Variants in CMTM4 observed in about 807,000 individuals in gnomAD.
CMTM4 encodes CKLF like MARVEL transmembrane domain containing 4.
In CMTM4, 8 loss-of-function variants were observed where a neutral mutation model predicts 19.0. The observed-to-expected ratio is 0.42, with a 90% CI of 0.25 to 0.76. The LOEUF (loss-of-function observed/expected upper bound fraction) is 0.76, where lower values mean the gene tolerates loss of function less well. Ranked by LOEUF, CMTM4 falls within the 30% of genes least tolerant of loss-of-function variation. The pLI is 0.27. For synonymous variants in CMTM4, 106 were observed against 121.1 expected (o/e 0.88, Z 0.82); for missense variants, 228 against 290.2 (o/e 0.79, Z 1.56).
downstream of CMTM4, chr16:66,612,622 C>A: frequency 6.2e-7 from 1 of 1,614,118 alleles, no homozygotes; most frequent in South Asian, 1.1e-5. The surrounding 1 kb of genome is among the most constrained non-coding windows in gnomAD (Gnocchi z 6.0). Context: ...AGAATTCCGA[C>A]TCGGACTCTG....
At chr16:66,627,077 T>G (rs1032106582) in intron 2 of CMTM4, among the ~76,000 whole-genome samples, 4 of 152,170 alleles carry the variant, frequency 2.6e-5, no homozygotes, top group African/African-American at 9.7e-5. Context: ...CACTGCAGCC[T>G]GGGGGACAGC....
At chr16:66,607,219 T>TG in the CMTM4 span, among the ~76,000 whole-genome samples, 1 of 152,218 alleles carries the variant, frequency 6.6e-6, no homozygotes, top group Non-Finnish European at 1.5e-5. Flanking sequence ...GCAGCGTACC[T>TG]GGGCTGCAGG....
intron 1 of CMTM4, among the ~76,000 whole-genome samples, chr16:66,663,275 C>A (rs1423396270): frequency 6.6e-6 from 1 of 152,140 alleles, no homozygotes; most frequent in African/African-American, 2.4e-5. Context: ...TGGAAAAAGA[C>A]AATCAACAGA....
intron 1 of CMTM4, among the ~76,000 whole-genome samples, chr16:66,650,144 G>A (rs1453582989): frequency 3.3e-5 from 5 of 152,156 alleles, no homozygotes; most frequent in Non-Finnish European, 5.9e-5. Context: ...GGTGGTCTTA[G>A]AGGAAAAACG....
At chr16:66,630,592 G>A (rs866717341) in intron 2 of CMTM4, among the ~76,000 whole-genome samples, 1 of 151,528 alleles carries the variant, frequency 6.6e-6, no homozygotes, top group African/African-American at 2.4e-5. Context: ...CGCCAGCCTC[G>A]GCCTCCCGAG....
chr16:66,607,215 T>C, the CMTM4 span, among the ~76,000 whole-genome samples: 18,552 of 152,232 alleles, frequency 0.12, 1,480 homozygotes, highest in East Asian at 0.29. Context: ...CTCTGCAGCG[T>C]ACCTGGGCTG....
chr16:66,625,246 C>A (rs577670911), intron 2 of CMTM4, among the ~76,000 whole-genome samples: 2 of 151,924 alleles, frequency 1.3e-5, no homozygotes, highest in East Asian at 1.9e-4. Flanking sequence ...ACCAGCCTGA[C>A]CAACATGGAA....
rs778488127 is a variant in CMTM4 at position 66,622,146 on chromosome 16, C to T, written c.539G>A (p.Arg180His). The T allele has an allele frequency of 3.7e-6, 6 of 1,613,074 alleles. No individual in the cohort carries two copies. In the Admixed American group the frequency reaches 5.0e-5, roughly 13 times the overall value. ...LAVQKWRVSV[R>H]QQSTNDYIRA... ...GATGTAGTCATTGGTGCTCTGCTGG[C>T]GGACGCTGACTCTCCATTTCTGCAC... The change falls in exon 4 of 4, where the codon CGC becomes CAC. Residue 180 changes from arginine to histidine, a missense_variant. Around this residue, in one of 3 missense-constraint regions of CMTM4, gnomAD observed 200 missense variants for 226.6 expected, o/e 0.88. Coordinates refer to ENST00000394106, the MANE Select transcript of CMTM4 (RefSeq NM_181521.3). This position sits in a 1 kb window ranked among gnomAD's most constrained non-coding sequence, Gnocchi z 4.0.
chr16:66,674,953 G>A lies in CMTM4; in HGVS notation c.186+21387C>T, dbSNP rs540861955. Reference sequence around the variant, plus strand: ...AGGTGGGGTTTCACCATGTTGGGCCGGCTGGTCTCAAACTCCTGACCTCAG... The same window carrying A: ...AGGTGGGGTTTCACCATGTTGGGCCAGCTGGTCTCAAACTCCTGACCTCAG... On this transcript the variant is annotated intron_variant, in intron 1 of 3. Transcript: ENST00000394106. Among the ~76,000 whole-genome samples the A allele has an allele frequency of 4.6e-5, 7 of 151,946 alleles. No individual in the cohort carries two copies. The South Asian group carries it at 8.3e-4, about 18-fold the overall frequency.
At chr16:66,641,308 A>T (rs2016094252) in intron 1 of CMTM4, among the ~76,000 whole-genome samples, 2 of 152,198 alleles carry the variant, frequency 1.3e-5, no homozygotes, top group African/African-American at 4.8e-5. Context: ...CACTGGGATT[A>T]CTGGTCTCAG....
chr16:66,667,633 T>TA (rs2016622924), intron 1 of CMTM4, among the ~76,000 whole-genome samples: 1 of 152,226 alleles, frequency 6.6e-6, no homozygotes. Context: ...CTCATGCCTG[T>TA]AACCCCGGCA....
downstream of CMTM4, chr16:66,611,099 A>G (rs940304212): frequency 2.6e-6 from 1 of 388,780 alleles, no homozygotes; most frequent in Non-Finnish European, 4.5e-6. Context: ...TACTATTTGG[A>G]GAGTTTCACA....
chr16:66,608,659 G>A, the CMTM4 span, among the ~76,000 whole-genome samples: 4 of 152,236 alleles, frequency 2.6e-5, no homozygotes, highest in Admixed American at 2.6e-4. The surrounding 1 kb of genome is among the most constrained non-coding windows in gnomAD (Gnocchi z 5.1). Context: ...CAAGTGGGCT[G>A]TGGTGCCTCT....
chr16:66,682,354 G>C (rs2016930971), intron 1 of CMTM4, among the ~76,000 whole-genome samples: 1 of 151,990 alleles, frequency 6.6e-6, no homozygotes, highest in Admixed American at 6.6e-5. Flanking sequence ...AACTACCCCT[G>C]GAAGAGCCAT....
intron 2 of CMTM4, among the ~76,000 whole-genome samples, chr16:66,627,081 G>A (rs889435518): frequency 3.3e-5 from 5 of 152,078 alleles, no homozygotes; most frequent in African/African-American, 1.2e-4. Context: ...GCAGCCTGGG[G>A]GACAGCGTGA....
chr16:66,632,841 G>A (rs1471060453), intron 2 of CMTM4, among the ~76,000 whole-genome samples: 1 of 152,042 alleles, frequency 6.6e-6, no homozygotes, highest in East Asian at 1.9e-4. Context: ...CCAGCACTTT[G>A]GGAGGCTGAG....
At chr16:66,636,110 A>C (rs1489930654) in intron 2 of CMTM4, among the ~76,000 whole-genome samples, 1 of 152,194 alleles carries the variant, frequency 6.6e-6, no homozygotes, top group Non-Finnish European at 1.5e-5. Context: ...TTTATTTCCC[A>C]TATTCTCCAA....
At chr16:66,667,632 G>C (rs974525015) in intron 1 of CMTM4, among the ~76,000 whole-genome samples, 1 of 152,208 alleles carries the variant, frequency 6.6e-6, no homozygotes, top group African/African-American at 2.4e-5. Context: ...GCTCATGCCT[G>C]TAACCCCGGC....
At chr16:66,604,680 G>A in the CMTM4 span, 6 of 705,556 alleles carry the variant, frequency 8.5e-6, no homozygotes, top group African/African-American at 7.5e-5. Flanking sequence ...GCGTGGCGGC[G>A]GGGGATGCGC....
Sources: gnomAD v4.1 joint callset for allele counts (sites outside exome capture counted in the v4.1 genomes callset) on GRCh38, gnomAD v4.1.1 for gene constraint, gnomAD v4.1.1 regional missense constraint, Gnocchi (gnomAD v3.1) non-coding constraint, MANE v1.5 for transcripts, NCBI Gene and HGNC (gene_info 2026-07-23, HGNC 2026-07-21) for gene names.